DNTT: variants seen among roughly 807,000 people sequenced by gnomAD.
The protein encoded by DNTT is DNA nucleotidylexotransferase, also known as nucleosidetriphosphate:DNA deoxynucleotidylexotransferase.
A neutral mutation model predicts 60.9 loss-of-function variants in DNTT; 47 were observed. The observed-to-expected ratio is 0.77, with a 90% CI of 0.61 to 0.98. DNTT has a LOEUF of 0.98. Ranked by LOEUF, DNTT falls within the 50% of genes least tolerant of loss-of-function variation. The probability of loss-of-function intolerance (pLI) is 0.00; values close to 1 mark genes in which losing one functional copy is unlikely to be tolerated. For missense variants in DNTT, 665 were observed against 627.5 expected (o/e 1.06, Z -0.64); for synonymous variants, 224 against 221.2 (o/e 1.01, Z -0.11).
At chr10:96,311,670 G>GCCTT (rs1469794644) in intron 1 of DNTT, among the ~76,000 whole-genome samples, 4 of 152,298 alleles carry the variant, frequency 2.6e-5, no homozygotes, top group Non-Finnish European at 5.9e-5. Context: ...GGGAGACAGG[G>GCCTT]CCTTGCTCTA....
chr10:96,332,986 C>T (rs912874132), intron 9 of DNTT, among the ~76,000 whole-genome samples: 3 of 152,052 alleles, frequency 2.0e-5, no homozygotes, highest in Admixed American at 2.0e-4. Context: ...GTACAGAAAC[C>T]AGCAAGGGGA....
At chr10:96,322,527 G>A (rs1405653261) in intron 4 of DNTT, 130 bp from the exon 5 acceptor site, 2 of 553,510 alleles carry the variant, frequency 3.6e-6, no homozygotes, top group Non-Finnish European at 3.1e-6. Context: ...AGATCAATTA[G>A]GGAAATACCC....
intron 1 of DNTT, among the ~76,000 whole-genome samples, chr10:96,316,347 A>C (rs1017386218): frequency 6.6e-6 from 1 of 152,032 alleles, no homozygotes; most frequent in Non-Finnish European, 1.5e-5. Flanking sequence ...CAATCATTTC[A>C]TCTTCCTAAG....
At chr10:96,305,867 A>G (rs1001061654) in intron 1 of DNTT, among the ~76,000 whole-genome samples, 2 of 152,176 alleles carry the variant, frequency 1.3e-5, no homozygotes, top group Non-Finnish European at 1.5e-5. Context: ...TGAATTTCCT[A>G]TGGCCCTTCT....
rs1178762511 is a variant in DNTT at position 96,324,333 on chromosome 10, C to G, written c.818C>G (p.Thr273Ser). The change falls in exon 6 of 11, where the codon ACT (threonine) becomes AGT (serine). Residue 273 changes from threonine to serine, a missense_variant. Physicochemically the swap from Thr to Ser is moderately conservative, Grantham distance 58 (BLOSUM62 1). Transcript: ENST00000371174. ...SEKWFRMGFRTLSKVRSDKSL... is the reference protein window; with the variant it reads ...SEKWFRMGFRSLSKVRSDKSL... ...AAGTGGTTCAGGATGGGTTTCAGAA[C>G]TCTGAGTAAAGTAAGGTCGGACAAA... 2.5e-6 allele frequency: 4 copies of G among 1,613,632 alleles called. No individual in the cohort carries two copies. The South Asian group carries it at 4.4e-5, about 18-fold the overall frequency.
At chr10:96,307,817 G>T (rs1274019567) in intron 1 of DNTT, among the ~76,000 whole-genome samples, 2 of 144,042 alleles carry the variant, frequency 1.4e-5, no homozygotes, top group African/African-American at 5.2e-5. Flanking sequence ...TGTCACGCAG[G>T]CTGGAGTGCA....
At chr10:96,311,355 TCAGA>T (rs1844711859) in intron 1 of DNTT, among the ~76,000 whole-genome samples, 1 of 152,096 alleles carries the variant, frequency 6.6e-6, no homozygotes, top group Non-Finnish European at 1.5e-5. Flanking sequence ...ATCCAGAAAG[TCAGA>T]CAGAGGGTGG....
intron 6 of DNTT, among the ~76,000 whole-genome samples, chr10:96,326,868 C>T (rs549784778): frequency 7.2e-5 from 11 of 152,300 alleles, no homozygotes; most frequent in African/African-American, 2.6e-4. Flanking sequence ...GATAAGCCTC[C>T]CTTCTCCTTT....
At chr10:96,323,376 C>T (rs950338696) in intron 5 of DNTT, among the ~76,000 whole-genome samples, 3 of 152,102 alleles carry the variant, frequency 2.0e-5, no homozygotes, top group Non-Finnish European at 2.9e-5. Context: ...GTCTTAAATA[C>T]GGTCATACTG....
intron 5 of DNTT, 34 bp from the exon 6 acceptor site, chr10:96,324,232 A>C (rs1844913415): frequency 6.2e-7 from 1 of 1,602,806 alleles, no homozygotes; most frequent in Non-Finnish European, 8.5e-7. Context: ...TGATTATCTT[A>C]GAGACTGATG....
chr10:96,332,446 C>A lies in DNTT; in HGVS notation c.1209C>A (p.Cys403Ter). ...KVDALDHFQK[C>*]FLIFKLPRQR... is the part of the protein sequence containing the mutation. ...ATGCTTTGGATCATTTTCAAAAGTG[C>A]TTTCTGATTTTCAAATTGCCTCGTC... The change falls in exon 9 of 11, where the codon TGC (cysteine) becomes TGA (stop). Residue 403 changes from cysteine (C) to a stop codon, truncating the protein, a stop_gained. Transcript: ENST00000371174. LOFTEE classifies it high-confidence loss of function. 1 of 1,614,136 alleles carries A rather than the reference C, an allele frequency of 6.2e-7. No individual in the cohort carries two copies. Among genetic ancestry groups the A allele is most frequent in the Non-Finnish European group, 8.5e-7 (1 of 1,180,002 alleles).
intron 10 of DNTT, among the ~76,000 whole-genome samples, 191 bp from the exon 11 acceptor site, chr10:96,337,947 T>G (rs993802054): frequency 6.6e-6 from 1 of 152,238 alleles, no homozygotes; most frequent in African/African-American, 2.4e-5. Flanking sequence ...GTTATGATTT[T>G]ACTTTAATTC....
At chr10:96,316,098 A>T (rs1231614105) in intron 1 of DNTT, among the ~76,000 whole-genome samples, 1 of 152,128 alleles carries the variant, frequency 6.6e-6, no homozygotes, top group Non-Finnish European at 1.5e-5. Context: ...TGTCCTTCAA[A>T]TGCGGCATGC....
chr10:96,327,493 C>T lies in DNTT; in HGVS notation c.900C>T (p.Val300=), dbSNP rs1377614943. ...KAGFLYYEDL[V]SCVTRAEAEA... is the part of the protein sequence containing the mutation. Reference sequence around the variant, plus strand: ...GATTTCTGTATTATGAAGACCTTGTCAGCTGTGTGACCAGGGCAGAAGCAG... The same window carrying T: ...GATTTCTGTATTATGAAGACCTTGTTAGCTGTGTGACCAGGGCAGAAGCAG... The change falls in exon 7 of 11, where the codon GTC becomes GTT. Residue 300 remains valine, a synonymous_variant. Transcript: ENST00000371174. 3.7e-6 allele frequency: 6 copies of T among 1,613,994 alleles called. No individual in the cohort carries two copies. The highest frequency in any genetic ancestry group is 1.3e-5 in the African/African-American group (1 of 74,914).
Position 96,318,373 on chromosome 10 carries a change from A to G in DNTT, c.225A>G (p.Val75=), listed in dbSNP as rs1177311663. 6.2e-7 allele frequency: 1 copy of G among 1,613,292 alleles called. No homozygotes were observed. The highest frequency in any genetic ancestry group is 1.1e-5 in the South Asian group (1 of 90,880). ...GCAGTGATTCTGTCACCCACATCGTAGCAGAGAACAACTCGGGTTCGGATG... is the reference window on the plus strand; with the variant it reads ...GCAGTGATTCTGTCACCCACATCGTGGCAGAGAACAACTCGGGTTCGGATG... ...NELSDSVTHI[V]AENNSGSDVL... The change falls in exon 2 of 11, where the codon GTA becomes GTG. Residue 75 remains valine (V), a synonymous_variant. Transcript: ENST00000371174.
At chr10:96,321,810 C>A (rs925011147) in intron 4 of DNTT, among the ~76,000 whole-genome samples, 2 of 152,108 alleles carry the variant, frequency 1.3e-5, no homozygotes, top group African/African-American at 4.8e-5. Flanking sequence ...CCTGCTCATG[C>A]CTGACTAGCT....
chr10:96,317,441 C>T (rs1411567741), intron 1 of DNTT, among the ~76,000 whole-genome samples: 1 of 152,140 alleles, frequency 6.6e-6, no homozygotes, highest in Non-Finnish European at 1.5e-5. Context: ...ATCAAAATTT[C>T]TTGAAGGCTG....
chr10:96,320,311 T>C (rs929336670), intron 3 of DNTT, among the ~76,000 whole-genome samples: 10 of 152,244 alleles, frequency 6.6e-5, no homozygotes, highest in African/African-American at 2.4e-4. Context: ...AAGGAGGGAT[T>C]ATGCTGAGTC....
At chr10:96,322,382 G>T (rs1844890836) in intron 4 of DNTT, among the ~76,000 whole-genome samples, 2 of 152,290 alleles carry the variant, frequency 1.3e-5, no homozygotes, top group East Asian at 1.9e-4. Context: ...ATTTTTCAGT[G>T]AATATTTTGG....
Sources: gnomAD v4.1 joint callset for allele counts (sites outside exome capture counted in the v4.1 genomes callset) on GRCh38, gnomAD v4.1.1 for gene constraint, MANE v1.5 for transcripts, NCBI Gene and HGNC (gene_info 2026-07-23, HGNC 2026-07-21) for gene names.